The following COL24A1 variants were observed in gnomAD, a reference collection of about 807,000 sequenced individuals.
COL24A1 encodes collagen type XXIV alpha 1 chain, also known as collagen alpha-1(XXIV) chain.
In COL24A1, 224 loss-of-function variants were observed where a neutral mutation model predicts 253.9. The ratio of observed to expected loss-of-function variants is 0.88; its 90% CI spans 0.79 to 0.99. The LOEUF is 0.99. Among genes scored for constraint, COL24A1 ranks in the 50% least tolerant of loss-of-function variants. The pLI, the probability that COL24A1 is intolerant of heterozygous loss-of-function variation, is 0.00. For synonymous variants in COL24A1, 685 were observed against 673.7 expected, an observed-to-expected ratio of 1.02 and a Z score of -0.26; for missense variants, 2,131 against 2,068.5, an observed-to-expected ratio of 1.03 and a Z score of -0.59.
chr1:85,977,171 G>GGA (rs1692771037), intron 20 of COL24A1, among the ~76,000 whole-genome samples: 1 of 152,156 alleles, frequency 6.6e-6, no homozygotes, highest in Non-Finnish European at 1.5e-5. Context: ...AGAAGAAGGG[G>GGA]GAGAGCACCA....
At chr1:86,032,852 A>G (rs1698687202) in intron 13 of COL24A1, among the ~76,000 whole-genome samples, 1 of 152,170 alleles carries the variant, frequency 6.6e-6, no homozygotes, top group Admixed American at 6.5e-5. Context: ...TAGGAGTCTT[A>G]ACAGACTTCA....
At chr1:85,745,909 A>G (rs1665159268) in intron 55 of COL24A1, among the ~76,000 whole-genome samples, 1 of 152,226 alleles carries the variant, frequency 6.6e-6, no homozygotes, top group African/African-American at 2.4e-5. Context: ...AAGGAGTAGA[A>G]TAAAATACTA....
intron 21 of COL24A1, among the ~76,000 whole-genome samples, chr1:85,970,936 G>T (rs766285199): frequency 5.9e-5 from 9 of 152,136 alleles, no homozygotes; most frequent in African/African-American, 1.7e-4. Flanking sequence ...TTGAAGGCTG[G>T]GTGTAGTGGC....
intron 35 of COL24A1, 85 bp downstream of exon 35, chr1:85,874,564 A>T: frequency 8.0e-7 from 1 of 1,251,508 alleles, no homozygotes; most frequent in African/African-American, 1.5e-5. Flanking sequence ...TTATTATCCA[A>T]TTTTTTGAGT....
At chr1:85,733,558 A>AT (rs1362358129) in intron 59 of COL24A1, among the ~76,000 whole-genome samples, 1 of 151,536 alleles carries the variant, frequency 6.6e-6, no homozygotes. Flanking sequence ...AAAATTATAG[A>AT]TTTTTCATAG....
intron 28 of COL24A1, among the ~76,000 whole-genome samples, chr1:85,900,977 C>A (rs1232865265): frequency 6.6e-6 from 1 of 152,090 alleles, no homozygotes; most frequent in Admixed American, 6.6e-5. Context: ...AGGGGAAAAG[C>A]TCCATGACAT....
intron 24 of COL24A1, among the ~76,000 whole-genome samples, chr1:85,953,669 A>G (rs935312437): frequency 1.3e-5 from 2 of 152,202 alleles, no homozygotes; most frequent in African/African-American, 4.8e-5. Flanking sequence ...CTTCTAAAGC[A>G]CAGAAACATA....
intron 19 of COL24A1, among the ~76,000 whole-genome samples, chr1:86,004,493 T>C (rs1048990005): frequency 6.6e-6 from 1 of 152,198 alleles, no homozygotes; most frequent in Non-Finnish European, 1.5e-5. Context: ...TCTAAAGTTA[T>C]AATTGATGTG....
At chr1:86,013,571 C>CA (rs1696729526) in intron 19 of COL24A1, among the ~76,000 whole-genome samples, 1 of 152,206 alleles carries the variant, frequency 6.6e-6, no homozygotes. Context: ...CATGGTGGCT[C>CA]ATGCCTATAA....
intron 43 of COL24A1, among the ~76,000 whole-genome samples, chr1:85,830,460 C>T (rs1675069160): frequency 2.0e-5 from 3 of 152,150 alleles, no homozygotes; most frequent in African/African-American, 7.2e-5. Flanking sequence ...CCAGTTTGAG[C>T]TTCCCGGCTG....
intron 24 of COL24A1, among the ~76,000 whole-genome samples, chr1:85,948,840 T>TA (rs1226213688): frequency 1.3e-5 from 2 of 151,050 alleles, no homozygotes; most frequent in Admixed American, 6.6e-5. Context: ...TAAAGTATAA[T>TA]AAAAAATATA....
At chr1:86,073,840 T>G (rs1361521946) in intron 7 of COL24A1, among the ~76,000 whole-genome samples, 1 of 152,158 alleles carries the variant, frequency 6.6e-6, no homozygotes, top group African/African-American at 2.4e-5. Context: ...AAAAGAATTT[T>G]CAACCCAGAA....
chr1:85,830,946 A>G (rs1203681933), intron 43 of COL24A1, among the ~76,000 whole-genome samples: 2 of 152,048 alleles, frequency 1.3e-5, no homozygotes, highest in Non-Finnish European at 2.9e-5. Flanking sequence ...TTGGCTCCTA[A>G]CAACAATATT....
intron 47 of COL24A1, among the ~76,000 whole-genome samples, chr1:85,793,534 T>C (rs1190155362): frequency 6.6e-6 from 1 of 152,122 alleles, no homozygotes; most frequent in African/African-American, 2.4e-5. Context: ...TGCTGTGGAC[T>C]TAGGATTCAG....
chr1:86,132,657 T>C (rs1220006133), intron 2 of COL24A1, among the ~76,000 whole-genome samples: 4 of 152,204 alleles, frequency 2.6e-5, no homozygotes, highest in African/African-American at 9.7e-5. Context: ...GTCAGATTTG[T>C]TAAAGATCAG....
intron 5 of COL24A1, among the ~76,000 whole-genome samples, chr1:86,104,597 T>G (rs905672508): frequency 1.3e-5 from 2 of 152,228 alleles, no homozygotes; most frequent in African/African-American, 4.8e-5. Flanking sequence ...TATTGTGATA[T>G]AAGGCTGGCT....
chr1:86,122,780 T>C (rs751520212), intron 3 of COL24A1, among the ~76,000 whole-genome samples: 17 of 152,004 alleles, frequency 1.1e-4, no homozygotes, highest in Non-Finnish European at 2.2e-4. Context: ...ACCTAGATAA[T>C]GTTCTAGTCC....
intron 51 of COL24A1, among the ~76,000 whole-genome samples, chr1:85,782,543 G>T (rs912657987): frequency 1.4e-4 from 21 of 152,162 alleles, no homozygotes; most frequent in African/African-American, 4.8e-4. Context: ...TATGTCCTTT[G>T]TAGGGACATG....
Position 86,125,240 on chromosome 1 carries a change from T to A in COL24A1, c.1096A>T (p.Lys366Ter), listed in dbSNP as rs1648077064. The change falls in exon 3 of 60, where the codon AAA becomes TAA. Residue 366 changes from lysine (K) to a stop codon, truncating the protein, a stop_gained. Coordinates refer to ENST00000370571, the MANE Select transcript of COL24A1 (RefSeq NM_152890.7). LOFTEE classifies it high-confidence loss of function. ...ISEAKMNTKE[K>*]FSSLLNMSDN... is the part of the protein sequence containing the mutation. ...GACATGTTTAGGAGAGAGCTAAATT[T>A]CTCTTTGGTATTCATTTTTGCCTCA... is the stretch of plus-strand genomic sequence containing the variant. 1 of 1,613,490 alleles carries A rather than the reference T, an allele frequency of 6.2e-7. No individual in the cohort carries two copies. Among genetic ancestry groups the A allele is most frequent in the African/African-American group, 1.3e-5 (1 of 74,876 alleles).
Sources: gnomAD v4.1 joint callset for allele counts (sites outside exome capture counted in the v4.1 genomes callset) on GRCh38, gnomAD v4.1.1 for gene constraint, MANE v1.5 for transcripts, NCBI Gene and HGNC (gene_info 2026-07-23, HGNC 2026-07-21) for gene names.